MAP2K1: variants seen among roughly 807,000 people sequenced by gnomAD.
The protein encoded by MAP2K1 is mitogen-activated protein kinase kinase 1.
In MAP2K1, 16 loss-of-function variants were observed where a neutral mutation model predicts 46.3. The ratio of observed to expected loss-of-function variants is 0.35; its 90% CI spans 0.23 to 0.52. The LOEUF (loss-of-function observed/expected upper bound fraction) is 0.52, where lower values mean the gene tolerates loss of function less well. Ranked by LOEUF, MAP2K1 falls within the 20% of genes least tolerant of loss-of-function variation. The pLI is 0.94. For synonymous variants in MAP2K1, 183 were observed against 185.6 expected, an observed-to-expected ratio of 0.99 and a Z score of 0.11; for missense variants, 263 against 497.1, an observed-to-expected ratio of 0.53 and a Z score of 4.48.
intron 5 of MAP2K1, chr15:66,445,002 C>T: frequency 2.3e-6 from 1 of 442,708 alleles, no homozygotes; most frequent in Non-Finnish European, 4.2e-6. Context: ...TCACTATTCA[C>T]TGGAACAGTG....
intron 3 of MAP2K1, among the ~76,000 whole-genome samples, chr15:66,442,296 A>G (rs1272133065): frequency 6.6e-6 from 1 of 152,128 alleles, no homozygotes; most frequent in Admixed American, 6.5e-5. Context: ...GGCCATTTCT[A>G]GCTTGCACCT....
At chr15:66,430,067 G>A (rs1461260850) in intron 1 of MAP2K1, among the ~76,000 whole-genome samples, 1 of 152,146 alleles carries the variant, frequency 6.6e-6, no homozygotes, top group Non-Finnish European at 1.5e-5. Context: ...CAGAAAGGAA[G>A]GTAACTTACC....
Position 66,429,673 on chromosome 15 carries a change from C to G in MAP2K1, c.81-5354C>G, listed in dbSNP as rs994499831. The stretch of plus-strand genomic sequence containing the variant: ...GGGTCTGCACTGCGGCGCCCCCCCC[C>G]CCCCCGTCCCCCCCAACACAGATGG... On this transcript the variant is annotated intron_variant, in intron 1 of 10. Coordinates refer to ENST00000307102, the MANE Select transcript of MAP2K1 (RefSeq NM_002755.4). Among the ~76,000 whole-genome samples, 7 of 37,476 alleles carry G rather than the reference C, an allele frequency of 1.9e-4. 2 individuals are homozygous for G. The South Asian group carries it at 6.1e-3, about 33-fold the overall frequency. 24.6% of individuals were successfully genotyped at this position (37,476 alleles called of 152,430 possible). A position where few individuals can be genotyped will look rare whatever the true frequency, so the allele number is the denominator to read the frequency against.
intron 6 of MAP2K1, among the ~76,000 whole-genome samples, chr15:66,484,042 C>T (rs1052555766): frequency 6.6e-6 from 1 of 152,094 alleles, no homozygotes; most frequent in African/African-American, 2.4e-5. Context: ...GCCACCGCGC[C>T]TGGCTGTACA....
At chr15:66,489,484 C>T in intron 9 of MAP2K1, 1 of 666,846 alleles carries the variant, frequency 1.5e-6, no homozygotes, top group East Asian at 2.7e-5. Context: ...GTAGTAGCTG[C>T]TCCTTTTGGT....
chr15:66,485,135 AAGG>A lies in MAP2K1; in HGVS notation c.842_844del (p.Gly281del), dbSNP rs1309760639. On this transcript the variant is annotated inframe_deletion, in exon 7 of 11. Transcript: ENST00000307102. Reference sequence around the variant, plus strand: ...GAGCTGATGTTTGGGTGCCAGGTGGAAGGAGATGCGGCTGAGACCCCACCCAGG... The same window carrying A: ...GAGCTGATGTTTGGGTGCCAGGTGGAAGATGCGGCTGAGACCCCACCCAGG... 4 of 1,613,906 alleles carry A rather than the reference AAGG, an allele frequency of 2.5e-6. No individual in the cohort carries two copies. The highest frequency in any genetic ancestry group is 3.4e-6 in the Non-Finnish European group (4 of 1,180,026).
intron 5 of MAP2K1, 157 bp downstream of exon 5, chr15:66,444,864 C>A (rs1891820862): frequency 1.5e-6 from 1 of 671,972 alleles, no homozygotes; most frequent in African/African-American, 1.8e-5. Flanking sequence ...GTGGCTGAGG[C>A]AGCAACTCCT....
intron 1 of MAP2K1, among the ~76,000 whole-genome samples, chr15:66,434,289 CAATAT>C (rs2093481880): frequency 6.6e-6 from 1 of 151,904 alleles, no homozygotes; most frequent in African/African-American, 2.4e-5. Context: ...CAAGTAATCA[CAATAT>C]AACTTTAACC....
intron 1 of MAP2K1, among the ~76,000 whole-genome samples, chr15:66,420,059 TGTG>T (rs911828098): frequency 4.7e-5 from 7 of 148,446 alleles, no homozygotes; most frequent in Non-Finnish European, 4.5e-5. Context: ...CCCTGGCCAA[TGTG>T]GTGAAATCCT....
intron 1 of MAP2K1, among the ~76,000 whole-genome samples, chr15:66,417,005 C>G (rs891907098): frequency 6.6e-6 from 1 of 152,162 alleles, no homozygotes; most frequent in African/African-American, 2.4e-5. Flanking sequence ...TCTGCCCACC[C>G]CAAGGCTGAG....
At chr15:66,478,061 G>A (rs960208996) in intron 5 of MAP2K1, among the ~76,000 whole-genome samples, 6 of 151,814 alleles carry the variant, frequency 4.0e-5, no homozygotes, top group Admixed American at 1.3e-4. Flanking sequence ...GGAAAGAACA[G>A]AGCTCGCCCC....
intron 4 of MAP2K1, among the ~76,000 whole-genome samples, chr15:66,443,662 G>C (rs184540220): frequency 6.6e-6 from 1 of 152,116 alleles, no homozygotes; most frequent in African/African-American, 2.4e-5. Flanking sequence ...CTTGAGCCCA[G>C]GAGTTCAACT....
At chr15:66,415,633 C>T (rs1318520105) in intron 1 of MAP2K1, among the ~76,000 whole-genome samples, 1 of 152,240 alleles carries the variant, frequency 6.6e-6, no homozygotes, top group African/African-American at 2.4e-5. Context: ...TTGTTGCCTT[C>T]AAGCTGACTT....
At chr15:66,466,936 A>G (rs1892483070) in intron 5 of MAP2K1, among the ~76,000 whole-genome samples, 1 of 152,142 alleles carries the variant, frequency 6.6e-6, no homozygotes, top group African/African-American at 2.4e-5. Context: ...GCCTGTATTC[A>G]GGAGCACCTG....
At chr15:66,480,950 G>GA (rs1892899168) in intron 5 of MAP2K1, among the ~76,000 whole-genome samples, 1 of 152,186 alleles carries the variant, frequency 6.6e-6, no homozygotes, top group African/African-American at 2.4e-5. Context: ...TACAGCGGAA[G>GA]AAAAAATGTT....
intron 5 of MAP2K1, among the ~76,000 whole-genome samples, chr15:66,469,472 CTTTTTTTTTTTT>C (rs370379739): frequency 3.7e-4 from 28 of 76,638 alleles, no homozygotes; most frequent in Non-Finnish European, 5.2e-4. Flanking sequence ...CTGGTGCCTC[CTTTTTTTTTTTT>C]TTTTTTTTTT....
intron 7 of MAP2K1, among the ~76,000 whole-genome samples, chr15:66,485,789 A>G (rs1893025174): frequency 6.6e-6 from 1 of 151,982 alleles, no homozygotes; most frequent in Non-Finnish European, 1.5e-5. Context: ...TATGTTGCTC[A>G]GGTTAGTCTT....
intron 1 of MAP2K1, among the ~76,000 whole-genome samples, chr15:66,432,959 A>AGTGT (rs1164509967): frequency 0.069 from 9,157 of 131,812 alleles, 406 homozygotes; most frequent in African/African-American, 0.11. Flanking sequence ...CATCATGCAC[A>AGTGT]GTGTGTGTGT....
intron 1 of MAP2K1, among the ~76,000 whole-genome samples, chr15:66,422,927 T>A (rs895481354): frequency 1.3e-5 from 2 of 152,174 alleles, no homozygotes; most frequent in East Asian, 3.8e-4. Flanking sequence ...ATTCTTTTTT[T>A]TTGCTTTAGT....
Sources: gnomAD v4.1 joint callset for allele counts (sites outside exome capture counted in the v4.1 genomes callset) on GRCh38, gnomAD v4.1.1 for gene constraint, MANE v1.5 for transcripts, NCBI Gene and HGNC (gene_info 2026-07-23, HGNC 2026-07-21) for gene names.